DNER: variants seen among roughly 807,000 people sequenced by gnomAD.
DNER encodes delta and Notch-like epidermal growth factor-related receptor.
A neutral mutation model predicts 78.2 loss-of-function variants in DNER; 33 were observed. The observed-to-expected ratio is 0.42, with a 90% CI of 0.32 to 0.56. DNER has a LOEUF of 0.56. DNER is among the 20% of genes least tolerant of loss of function. DNER has a pLI of 0.11. For missense variants in DNER, 918 were observed against 975.3 expected (o/e 0.94, Z 0.78); for synonymous variants, 417 against 384.8 (o/e 1.08, Z -0.98).
rs111371685 is a variant in DNER, at chr2:229,479,441, G to A, written c.1148-2188C>T. 8.4e-3 allele frequency among the ~76,000 whole-genome samples: 1,285 copies of A among 152,188 alleles called. 23 individuals are homozygous for A. The highest frequency in any genetic ancestry group is 0.029 in the African/African-American group (1,209 of 41,512). On this transcript the variant is annotated intron_variant, in intron 6 of 12. Transcript: ENST00000341772. ...AAACCATCAATATTCAGCTAGGTGC[G>A]GTAGCTCATGCCTGTAATCCCAGCA...
At chr2:229,598,709 T>A (rs918048373) in intron 1 of DNER, among the ~76,000 whole-genome samples, 1 of 152,150 alleles carries the variant, frequency 6.6e-6, no homozygotes, top group African/African-American at 2.4e-5. Flanking sequence ...TCTGGATGCC[T>A]CCACCAAGAA....
At chr2:229,440,952 A>G (rs527650781) in intron 8 of DNER, among the ~76,000 whole-genome samples, 1 of 152,306 alleles carries the variant, frequency 6.6e-6, no homozygotes, top group Non-Finnish European at 1.5e-5. Context: ...TGACCATAAT[A>G]TATGCCAAAT....
chr2:229,535,342 C>T (rs1696381440), intron 5 of DNER, among the ~76,000 whole-genome samples: 1 of 152,118 alleles, frequency 6.6e-6, no homozygotes, highest in Admixed American at 6.5e-5. Context: ...ATCTTCGAGT[C>T]TATAACTCAA....
intron 7 of DNER, among the ~76,000 whole-genome samples, chr2:229,459,419 G>T (rs1288398927): frequency 6.6e-6 from 1 of 152,110 alleles, no homozygotes; most frequent in South Asian, 2.1e-4. Flanking sequence ...AAGAGAAATT[G>T]TTGTGTTAAA....
chr2:229,440,318 G>T lies in DNER; in HGVS notation c.1486+6998C>A, dbSNP rs185926480. Among the ~76,000 whole-genome samples the T allele has an allele frequency of 2.6e-5, 4 of 152,254 alleles. No individual in the cohort carries two copies. In the South Asian group the frequency reaches 8.3e-4, roughly 32 times the overall value. On this transcript the variant is annotated intron_variant, in intron 8 of 12. Coordinates refer to ENST00000341772, the MANE Select transcript of DNER (RefSeq NM_139072.4). ...CAGTTTGGAAGCATGCTTAGGAAAG[G>T]TACCTTAGCGTCTGGACGTCTAGTG...
chr2:229,652,441 A>T (rs1323613974), intron 1 of DNER, among the ~76,000 whole-genome samples: 1 of 152,272 alleles, frequency 6.6e-6, no homozygotes, highest in African/African-American at 2.4e-5. Flanking sequence ...AGCATCATAG[A>T]AAGGACATGA....
chr2:229,467,507 G>A (rs1457836253), intron 7 of DNER, among the ~76,000 whole-genome samples: 2 of 152,180 alleles, frequency 1.3e-5, no homozygotes, highest in African/African-American at 4.8e-5. Context: ...CCTGCCTTAA[G>A]GTGGTCAGAG....
chr2:229,373,809 G>A (rs952129972), intron 11 of DNER, among the ~76,000 whole-genome samples: 5 of 152,144 alleles, frequency 3.3e-5, no homozygotes, highest in Admixed American at 6.6e-5. Flanking sequence ...TGCAGTTGAA[G>A]GCCATTATCC....
chr2:229,401,453 C>A (rs984465159), intron 10 of DNER, among the ~76,000 whole-genome samples: 1 of 152,000 alleles, frequency 6.6e-6, no homozygotes, highest in Non-Finnish European at 1.5e-5. Flanking sequence ...ACTGGTTAAA[C>A]AAACTCTGGG....
rs1205035852 is a variant in DNER at position 229,560,112 on chromosome 2, CTGTT to C, written c.848-13024_848-13021del. ...AAAATGCTGGGCTTCAGGCCATTAA[CTGTT>C]TGTTTTACTGCTTGTCTCCCTTAAT... On this transcript the variant is annotated intron_variant, in intron 4 of 12. Transcript: ENST00000341772. 5.3e-5 allele frequency among the ~76,000 whole-genome samples: 8 copies of C among 152,334 alleles called. No individual in the cohort carries two copies. In the East Asian group the frequency reaches 1.3e-3, roughly 26 times the overall value.
Position 229,591,515 on chromosome 2 carries a change from C to A in DNER, c.585+65G>T. On this transcript the variant is annotated intron_variant, in intron 2 of 12. Coordinates refer to ENST00000341772, the MANE Select transcript of DNER (RefSeq NM_139072.4). This position sits in a 1 kb window ranked among gnomAD's most constrained non-coding sequence, Gnocchi z 4.6. ...TCATTTTTAATTGCTGATACTAGAACCGCTGGAGTCACTTTAAGATTTCTG... is the reference window on the plus strand; with the variant it reads ...TCATTTTTAATTGCTGATACTAGAAACGCTGGAGTCACTTTAAGATTTCTG... The A allele has an allele frequency of 6.6e-7, 1 of 1,516,954 alleles. No homozygotes were observed. The highest frequency in any genetic ancestry group is 8.9e-7 in the Non-Finnish European group (1 of 1,129,836). 94.0% of individuals were successfully genotyped at this position (1,516,954 alleles called of 1,614,324 possible). A position where few individuals can be genotyped will look rare whatever the true frequency, so the allele number is the denominator to read the frequency against.
In DNER at chr2:229,680,666, T is replaced by C. The variant is rs1331847041; in HGVS notation, c.276+33482A>G. On this transcript the variant is annotated intron_variant, in intron 1 of 12. Transcript: ENST00000341772. ...TTTAAGCAGTGCTATGTGTTGGTCA[T>C]GCAAAATCAAAGAATCAGAACATCC... Among the ~76,000 whole-genome samples the C allele has an allele frequency of 5.9e-5, 9 of 152,370 alleles. 3 individuals are homozygous for C. Among genetic ancestry groups the C allele is most frequent in the Admixed American group, 5.2e-4 (8 of 15,306 alleles).
chr2:229,606,342 G>A, intron 1 of DNER: 1 of 152,106 alleles, frequency 6.6e-6, no homozygotes, highest in East Asian at 1.9e-4. Context: ...CTTGAGCACA[G>A]GAAAGGAGAG....
intron 1 of DNER, among the ~76,000 whole-genome samples, chr2:229,592,782 T>G (rs927070230): frequency 2.0e-5 from 3 of 152,196 alleles, no homozygotes; most frequent in Non-Finnish European, 4.4e-5. Flanking sequence ...TTTGTTTCTG[T>G]GATAAGGAGA....
intron 8 of DNER, among the ~76,000 whole-genome samples, chr2:229,423,972 T>C (rs1377476866): frequency 1.3e-5 from 2 of 152,202 alleles, no homozygotes; most frequent in Non-Finnish European, 2.9e-5. Context: ...AGGATAAGCT[T>C]GAGGGTAGAG....
At chr2:229,497,850 A>C (rs1162771357) in intron 6 of DNER, among the ~76,000 whole-genome samples, 1 of 152,118 alleles carries the variant, frequency 6.6e-6, no homozygotes, top group Non-Finnish European at 1.5e-5. Context: ...AAATTCAGGA[A>C]CTGATGGCTT....
chr2:229,566,904 A>C (rs965214814), intron 4 of DNER, among the ~76,000 whole-genome samples: 3 of 152,126 alleles, frequency 2.0e-5, no homozygotes, highest in African/African-American at 7.2e-5. Flanking sequence ...TGTGTTTTTC[A>C]ACCTTCCCTT....
At chr2:229,544,913 C>T (rs16826165) in intron 5 of DNER, among the ~76,000 whole-genome samples, 2,886 of 152,284 alleles carry the variant, frequency 0.019, 101 homozygotes, top group African/African-American at 0.066. Context: ...AAGAACAGTA[C>T]TTGAAAGCTT....
intron 1 of DNER, among the ~76,000 whole-genome samples, chr2:229,631,789 A>G (rs1430392714): frequency 1.3e-5 from 2 of 152,204 alleles, no homozygotes; most frequent in Admixed American, 1.3e-4. Context: ...AAAAGAAAAG[A>G]CATGGAAGTA....
Sources: allele counts gnomAD v4.1 joint callset (sites outside exome capture counted in the v4.1 genomes callset), GRCh38; gene constraint gnomAD v4.1.1; non-coding constraint Gnocchi (gnomAD v3.1); transcripts MANE v1.5; gene names NCBI Gene and HGNC (gene_info 2026-07-23, HGNC 2026-07-21).